Variants in NOL10 observed in about 807,000 individuals in gnomAD.
NOL10 encodes nucleolar protein 10, also known as H_NH0074G24.1.
In NOL10, 58 loss-of-function variants were observed where a neutral mutation model predicts 103.5. That is an observed-to-expected ratio of 0.56 (90% CI 0.45 to 0.70). The LOEUF is 0.70. Ranked by LOEUF, NOL10 falls within the 30% of genes least tolerant of loss-of-function variation. NOL10 has a pLI of 0.00. For synonymous variants in NOL10, 287 were observed against 282.5 expected, an observed-to-expected ratio of 1.02 and a Z score of -0.16; for missense variants, 763 against 807.3, an observed-to-expected ratio of 0.95 and a Z score of 0.67.
chr2:10,597,668 TA>T (rs1230183591), intron 17 of NOL10, among the ~76,000 whole-genome samples: 33 of 152,162 alleles, frequency 2.2e-4, no homozygotes, highest in Non-Finnish European at 7.3e-5. Context: ...TGAGCTCTGA[TA>T]ATAGGTCTGA....
chr2:10,636,867 C>G (rs142448741), intron 13 of NOL10, among the ~76,000 whole-genome samples: 448 of 152,176 alleles, frequency 2.9e-3, no homozygotes, highest in Non-Finnish European at 4.5e-3. Context: ...TCACCACAGA[C>G]AGAAGTTAAA....
chr2:10,619,724 A>G (rs932637191), intron 13 of NOL10, among the ~76,000 whole-genome samples: 17 of 152,306 alleles, frequency 1.1e-4, no homozygotes, highest in Admixed American at 9.8e-4. Context: ...ATCTTCTTCA[A>G]AGTCCACTGT....
chr2:10,629,008 C>T (rs1277289002), intron 13 of NOL10, among the ~76,000 whole-genome samples: 1 of 152,124 alleles, frequency 6.6e-6, no homozygotes, highest in Non-Finnish European at 1.5e-5. Flanking sequence ...TAGTCCAGGA[C>T]ATATGCCCCC....
intron 1 of NOL10, among the ~76,000 whole-genome samples, chr2:10,686,209 G>A (rs1004797656): frequency 2.0e-5 from 3 of 152,182 alleles, no homozygotes; most frequent in East Asian, 3.8e-4. Flanking sequence ...AAAAGGAGAC[G>A]AAGTGTTGGT....
chr2:10,620,964 T>C (rs1677108503), intron 13 of NOL10, among the ~76,000 whole-genome samples: 1 of 151,978 alleles, frequency 6.6e-6, no homozygotes, highest in South Asian at 2.1e-4. Context: ...CCAGGCGAAT[T>C]TTCTGTATTT....
At chr2:10,683,555 C>T (rs555686063) in intron 2 of NOL10, among the ~76,000 whole-genome samples, 2 of 152,260 alleles carry the variant, frequency 1.3e-5, no homozygotes, top group Non-Finnish European at 2.9e-5. Flanking sequence ...CTGGGTATGG[C>T]GAGATTGCAA....
chr2:10,644,898 G>T (rs1298929775), intron 12 of NOL10, among the ~76,000 whole-genome samples: 2 of 152,104 alleles, frequency 1.3e-5, no homozygotes, highest in African/African-American at 4.8e-5. Flanking sequence ...AAATATCTCG[G>T]TTTTGTTCCC....
At chr2:10,664,470 C>A (rs758360532) in intron 8 of NOL10, among the ~76,000 whole-genome samples, 2 of 152,104 alleles carry the variant, frequency 1.3e-5, no homozygotes, top group Non-Finnish European at 2.9e-5. Flanking sequence ...TTAGCCATTA[C>A]AAAGAATGAT....
intron 17 of NOL10, among the ~76,000 whole-genome samples, chr2:10,593,129 G>GT (rs113342576): frequency 0.11 from 16,756 of 148,506 alleles, 1,394 homozygotes; most frequent in East Asian, 0.39. Context: ...AAACAAATTA[G>GT]TTTTTTTTTT....
At chr2:10,659,339 A>G in intron 9 of NOL10, 89 bp from the exon 10 acceptor site, 4 of 152,240 alleles carry the variant, frequency 2.6e-5, no homozygotes, top group Admixed American at 1.6e-4. Flanking sequence ...CTTCAAATCT[A>G]ATGGGGGGGG....
intron 13 of NOL10, among the ~76,000 whole-genome samples, chr2:10,635,214 T>A (rs1202343261): frequency 6.6e-6 from 1 of 152,190 alleles, no homozygotes; most frequent in Non-Finnish European, 1.5e-5. Context: ...TTAGGTTAAG[T>A]CTCATGTTTG....
chr2:10,685,439 G>C (rs1440231693), intron 1 of NOL10, among the ~76,000 whole-genome samples: 2 of 146,614 alleles, frequency 1.4e-5, no homozygotes, highest in East Asian at 4.5e-4. Context: ...GTTGCAGGGA[G>C]CTGAGATCTT....
At chr2:10,600,760 C>T in intron 17 of NOL10, 93 bp downstream of exon 17, 1 of 825,860 alleles carries the variant, frequency 1.2e-6, no homozygotes, top group Non-Finnish European at 2.0e-6. Context: ...AAAAGTCCTA[C>T]ATGTATTTTT....
intron 13 of NOL10, among the ~76,000 whole-genome samples, chr2:10,630,337 T>A (rs1253120068): frequency 6.6e-6 from 1 of 152,208 alleles, no homozygotes; most frequent in Non-Finnish European, 1.5e-5. Flanking sequence ...AATTCCAAAG[T>A]CTAAGTTATT....
At chr2:10,639,254 C>G (rs1186393358) in intron 13 of NOL10, among the ~76,000 whole-genome samples, 5 of 152,116 alleles carry the variant, frequency 3.3e-5, no homozygotes, top group Non-Finnish European at 1.5e-5. Flanking sequence ...AATCCCGTCT[C>G]TACTAAAAAT....
chr2:10,676,771 G>C (rs1295611186), intron 3 of NOL10, among the ~76,000 whole-genome samples: 1 of 151,746 alleles, frequency 6.6e-6, no homozygotes, highest in Non-Finnish European at 1.5e-5. Context: ...CTGAGTAGCT[G>C]GGATTACAGG....
intron 19 of NOL10, among the ~76,000 whole-genome samples, chr2:10,586,153 G>A (rs537886304): frequency 1.6e-4 from 24 of 152,340 alleles, no homozygotes; most frequent in African/African-American, 5.1e-4. Flanking sequence ...CCCATAAGGC[G>A]TGGGGTTTCT....
At chr2:10,654,996 G>A (rs1679740038) in intron 11 of NOL10, among the ~76,000 whole-genome samples, 1 of 151,882 alleles carries the variant, frequency 6.6e-6, no homozygotes. Flanking sequence ...GATGACTTGA[G>A]GTCAGGAGTT....
At chr2:10,609,580 A>ACATTTTTGCC (rs1470676706) in intron 13 of NOL10, among the ~76,000 whole-genome samples, 3 of 152,138 alleles carry the variant, frequency 2.0e-5, no homozygotes. Context: ...AGCCTGGGCG[A>ACATTTTTGCC]CAGAGCGAGA....
Sources: gnomAD v4.1 joint callset for allele counts (sites outside exome capture counted in the v4.1 genomes callset) on GRCh38, gnomAD v4.1.1 for gene constraint, MANE v1.5 for transcripts, NCBI Gene and HGNC (gene_info 2026-07-23, HGNC 2026-07-21) for gene names.